Variants in REC114 observed in about 807,000 individuals in gnomAD.
The protein encoded by REC114 is meiotic recombination protein REC114.
In REC114, 27 loss-of-function variants were observed where a neutral mutation model predicts 31.3. The ratio of observed to expected loss-of-function variants is 0.86; its 90% confidence interval spans 0.64 to 1.19. The LOEUF (loss-of-function observed/expected upper bound fraction) is 1.19. Ranked by LOEUF, REC114 falls within the 50% of genes most tolerant of loss-of-function variation. REC114 has a pLI of 0.00. For missense variants in REC114, 344 were observed against 326.9 expected, an observed-to-expected ratio of 1.05 and a Z score of -0.40; for synonymous variants, 134 against 127.7, an observed-to-expected ratio of 1.05 and a Z score of -0.33.
intron 2 of REC114, among the ~76,000 whole-genome samples, chr15:73,479,532 T>G (rs973599756): frequency 2.6e-5 from 4 of 152,132 alleles, no homozygotes; most frequent in Admixed American, 1.3e-4. Flanking sequence ...CTCTAGAATT[T>G]ATTCATCCTA....
Position 73,443,252 on chromosome 15 carries a change from C to T in REC114, c.67C>T (p.Leu23=). 6.4e-7 allele frequency: 1 copy of T among 1,573,294 alleles called. No homozygotes were observed. Among genetic ancestry groups the T allele is most frequent in the Non-Finnish European group, 8.6e-7 (1 of 1,160,400 alleles). ...CGGAGGAGAAGCGGCAGAGTGGCCT[C>T]TGCAGCGGTACGCCCGCTGCATACC... ...LTGGEAAEWP[L]QRYARCIPSN... The change falls in exon 1 of 6, where the codon CTG becomes TTG. Residue 23 remains leucine (L), a synonymous_variant. Transcript: ENST00000331090.
intron 2 of REC114, among the ~76,000 whole-genome samples, chr15:73,479,053 G>A (rs554060790): frequency 2.4e-4 from 36 of 151,994 alleles, no homozygotes; most frequent in South Asian, 1.7e-3. Context: ...TGCCTCACCC[G>A]CTTCCCACAG....
At chr15:73,552,495 G>A (rs529075380) in intron 4 of REC114, among the ~76,000 whole-genome samples, 5 of 151,800 alleles carry the variant, frequency 3.3e-5, no homozygotes, top group African/African-American at 7.3e-5. Context: ...TTTAAATTCC[G>A]TGTTAGTTTC....
intron 1 of REC114, among the ~76,000 whole-genome samples, chr15:73,445,508 T>C (rs1255605665): frequency 6.6e-6 from 1 of 152,258 alleles, no homozygotes; most frequent in African/African-American, 2.4e-5. Flanking sequence ...ATAAGAGGTC[T>C]AGCTTTTGAC....
intron 2 of REC114, among the ~76,000 whole-genome samples, chr15:73,524,020 GT>G (rs943574784): frequency 3.3e-5 from 5 of 152,128 alleles, no homozygotes; most frequent in Admixed American, 1.3e-4. Context: ...TCTTCAAAAA[GT>G]TCATAGAAAG....
intron 2 of REC114, among the ~76,000 whole-genome samples, chr15:73,540,160 T>C (rs922138264): frequency 2.6e-5 from 4 of 152,176 alleles, no homozygotes; most frequent in Admixed American, 6.5e-5. Context: ...ATATAAAATA[T>C]TTTGGCAAAT....
chr15:73,530,736 T>C (rs1180096403), intron 2 of REC114, among the ~76,000 whole-genome samples: 1 of 137,522 alleles, frequency 7.3e-6, no homozygotes, highest in African/African-American at 2.8e-5. Flanking sequence ...GTAGCAATTC[T>C]CTTATCATGG....
intron 1 of REC114, among the ~76,000 whole-genome samples, chr15:73,458,111 TTCA>T (rs1892941302): frequency 1.3e-5 from 2 of 152,186 alleles, no homozygotes; most frequent in African/African-American, 4.8e-5. Context: ...GTAATCAGTC[TTCA>T]TGGCCCAATT....
chr15:73,485,502 G>C (rs1260411679), intron 2 of REC114, among the ~76,000 whole-genome samples: 1 of 152,210 alleles, frequency 6.6e-6, no homozygotes, highest in African/African-American at 2.4e-5. Flanking sequence ...GGTGGAAGAT[G>C]ATTAGATCAT....
At chr15:73,556,265 T>A (rs1894464614) in intron 4 of REC114, 37 bp from the exon 5 acceptor site, 7 of 1,551,202 alleles carry the variant, frequency 4.5e-6, no homozygotes, top group Non-Finnish European at 6.2e-6. Flanking sequence ...AAGATTACAT[T>A]CAGCTAGTCT....
At chr15:73,559,676 A>G (rs1894545248) in intron 5 of REC114, 76 bp from the exon 6 acceptor site, 5 of 1,336,818 alleles carry the variant, frequency 3.7e-6, no homozygotes, top group Non-Finnish European at 5.0e-6. Context: ...TCCTTAAAGC[A>G]CTATTTGCCT....
intron 1 of REC114, among the ~76,000 whole-genome samples, chr15:73,451,762 G>A (rs1892852796): frequency 6.6e-6 from 1 of 152,134 alleles, no homozygotes; most frequent in Non-Finnish European, 1.5e-5. Context: ...AAATTCAGCA[G>A]CACATCAAAA....
chr15:73,525,671 C>A (rs1002731490), intron 2 of REC114, among the ~76,000 whole-genome samples: 2 of 151,570 alleles, frequency 1.3e-5, no homozygotes, highest in Non-Finnish European at 2.9e-5. Context: ...TAATTTAATT[C>A]TTTTATGACC....
chr15:73,468,798 TTC>T (rs1379536839), intron 1 of REC114, among the ~76,000 whole-genome samples: 1 of 152,064 alleles, frequency 6.6e-6, no homozygotes, highest in Non-Finnish European at 1.5e-5. Context: ...TTTTTCTGCA[TTC>T]TCTCATATTG....
At chr15:73,535,580 C>T (rs545853201) in intron 2 of REC114, among the ~76,000 whole-genome samples, 75 of 147,398 alleles carry the variant, frequency 5.1e-4, no homozygotes, top group Middle Eastern at 3.4e-3. Flanking sequence ...GAATCAATAT[C>T]GTGAAAATGG....
intron 1 of REC114, among the ~76,000 whole-genome samples, chr15:73,463,163 T>G (rs1893013594): frequency 6.6e-6 from 1 of 152,326 alleles, no homozygotes; most frequent in South Asian, 2.1e-4. Context: ...AAATTGTGAT[T>G]GATTGGTGTA....
intron 1 of REC114, 143 bp downstream of exon 1, chr15:73,443,487 C>G (rs192002173): frequency 3.1e-6 from 3 of 965,856 alleles, no homozygotes; most frequent in Admixed American, 3.0e-5. Context: ...ATGGACAGGC[C>G]GACAACTAAG....
chr15:73,460,860 C>G (rs1194692359), intron 1 of REC114, among the ~76,000 whole-genome samples: 1 of 151,848 alleles, frequency 6.6e-6, no homozygotes. Context: ...TAAATGTAGT[C>G]TATTTATGGC....
chr15:73,521,858 A>C (rs1430915714), intron 2 of REC114, among the ~76,000 whole-genome samples: 4 of 152,190 alleles, frequency 2.6e-5, no homozygotes, highest in African/African-American at 9.6e-5. Flanking sequence ...AGGCCCATGT[A>C]ACTTGTCTGG....
Sources: gnomAD v4.1 joint callset for allele counts (sites outside exome capture counted in the v4.1 genomes callset) on GRCh38, gnomAD v4.1.1 for gene constraint, MANE v1.5 for transcripts, NCBI Gene and HGNC (gene_info 2026-07-23, HGNC 2026-07-21) for gene names.